The following BMAL1 variants were observed in gnomAD, a reference collection of about 807,000 sequenced individuals.
The protein encoded by BMAL1 is basic helix-loop-helix ARNT like 1, also known as basic helix-loop-helix ARNT-like protein 1.
At chr11:13,377,211 C>T in the BMAL1 span, among the ~76,000 whole-genome samples, 1 of 152,262 alleles carries the variant, frequency 6.6e-6, no homozygotes, top group African/African-American at 2.4e-5. Flanking sequence ...ATGGCTGCAG[C>T]CCCCATCGAT....
At chr11:13,383,308 A>C in the BMAL1 span, among the ~76,000 whole-genome samples, 1 of 152,188 alleles carries the variant, frequency 6.6e-6, no homozygotes, top group Non-Finnish European at 1.5e-5. Context: ...TTTTTCCAGA[A>C]AGAGAGGGGG....
the BMAL1 span, among the ~76,000 whole-genome samples, chr11:13,293,334 C>T: frequency 6.6e-6 from 1 of 152,310 alleles, no homozygotes; most frequent in South Asian, 2.1e-4. Context: ...AGGTTTGAGT[C>T]CAGCCCTTTT....
At chr11:13,383,001 A>AT in the BMAL1 span, among the ~76,000 whole-genome samples, 1 of 152,192 alleles carries the variant, frequency 6.6e-6, no homozygotes, top group Non-Finnish European at 1.5e-5. Flanking sequence ...GTGAGAAGAA[A>AT]TTTGGATGTG....
At chr11:13,357,700 C>T in the BMAL1 span, among the ~76,000 whole-genome samples, 797 of 152,334 alleles carry the variant, frequency 5.2e-3, 4 homozygotes, top group African/African-American at 0.018. The surrounding 1 kb of genome is among the most constrained non-coding windows in gnomAD (Gnocchi z 4.8). Flanking sequence ...GCTCTTCCCT[C>T]GGAGGCCAGC....
chr11:13,328,543 T>C, the BMAL1 span, among the ~76,000 whole-genome samples: 1 of 152,182 alleles, frequency 6.6e-6, no homozygotes, highest in African/African-American at 2.4e-5. Context: ...CTGCCTGGCT[T>C]TTGAGGCCCC....
At chr11:13,323,281 A>G in the BMAL1 span, among the ~76,000 whole-genome samples, 7 of 152,174 alleles carry the variant, frequency 4.6e-5, no homozygotes, top group African/African-American at 1.2e-4. Flanking sequence ...GCAGTCACCC[A>G]TATATTGGCA....
the BMAL1 span, among the ~76,000 whole-genome samples, chr11:13,312,799 T>G: frequency 6.6e-6 from 1 of 152,230 alleles, no homozygotes; most frequent in Non-Finnish European, 1.5e-5. Context: ...TTGCTTCGAA[T>G]GCACCAAGGG....
the BMAL1 span, among the ~76,000 whole-genome samples, chr11:13,314,643 GA>G: frequency 1.3e-5 from 2 of 152,178 alleles, no homozygotes; most frequent in African/African-American, 4.8e-5. Context: ...GAATTCTCAG[GA>G]ATGAGGTCCA....
the BMAL1 span, chr11:13,366,748 C>T: frequency 1.2e-6 from 2 of 1,614,090 alleles, no homozygotes; most frequent in South Asian, 2.2e-5. Context: ...CCTCCTCTGA[C>T]ACCGCACCCC....
the BMAL1 span, chr11:13,376,652 G>A: frequency 6.2e-7 from 1 of 1,614,102 alleles, no homozygotes; most frequent in Non-Finnish European, 8.5e-7. Flanking sequence ...CCAACGTCCT[G>A]GAAGGCGGGG....
At chr11:13,383,124 A>C in the BMAL1 span, among the ~76,000 whole-genome samples, 1 of 152,192 alleles carries the variant, frequency 6.6e-6, no homozygotes, top group Admixed American at 6.5e-5. Flanking sequence ...CTTTCCAGTC[A>C]CTTTCAAATT....
chr11:13,358,343 T>C, the BMAL1 span: 13 of 1,341,602 alleles, frequency 9.7e-6, no homozygotes, highest in South Asian at 1.2e-4. Context: ...CAGATGAACA[T>C]TGAAAACAGT....
chr11:13,279,028 G>C, the BMAL1 span, among the ~76,000 whole-genome samples: 4 of 152,172 alleles, frequency 2.6e-5, no homozygotes, highest in African/African-American at 9.7e-5. Flanking sequence ...GGCGCCTGCT[G>C]TCAAGTTCTC....
the BMAL1 span, among the ~76,000 whole-genome samples, chr11:13,293,142 A>G: frequency 6.6e-6 from 1 of 152,190 alleles, no homozygotes; most frequent in Non-Finnish European, 1.5e-5. Context: ...CACAGAAACC[A>G]GGGCATGTGC....
the BMAL1 span, among the ~76,000 whole-genome samples, chr11:13,298,367 C>T: frequency 1.3e-5 from 2 of 152,208 alleles, no homozygotes; most frequent in African/African-American, 4.8e-5. Flanking sequence ...AGCTCACCTT[C>T]TTCAGGTCTT....
the BMAL1 span, among the ~76,000 whole-genome samples, chr11:13,319,445 A>G: frequency 6.6e-6 from 1 of 152,360 alleles, no homozygotes; most frequent in South Asian, 2.1e-4. Context: ...AGGCTGTACC[A>G]ATTCATGCTC....
the BMAL1 span, chr11:13,354,534 A>G: frequency 3.3e-6 from 5 of 1,518,976 alleles, no homozygotes; most frequent in Non-Finnish European, 4.4e-6. Flanking sequence ...CTACTGTTTC[A>G]TCCTGGAAAA....
the BMAL1 span, chr11:13,381,130 GA>G: frequency 6.2e-7 from 1 of 1,606,918 alleles, no homozygotes; most frequent in Non-Finnish European, 8.5e-7. Context: ...ACTGAAAAAA[GA>G]AAAGGCAGTG....
chr11:13,287,092 C>G, the BMAL1 span, among the ~76,000 whole-genome samples: 1 of 152,212 alleles, frequency 6.6e-6, no homozygotes, highest in Non-Finnish European at 1.5e-5. Flanking sequence ...AACTACCACC[C>G]TCCCTTCCCA....
Sources: gnomAD v4.1 joint callset for allele counts (sites outside exome capture counted in the v4.1 genomes callset) on GRCh38, gnomAD v4.1.1 for gene constraint, Gnocchi (gnomAD v3.1) non-coding constraint, MANE v1.5 for transcripts, NCBI Gene and HGNC (gene_info 2026-07-23, HGNC 2026-07-21) for gene names.